The following ALK variants were observed in gnomAD, a reference collection of about 807,000 sequenced individuals.
ALK encodes ALK receptor tyrosine kinase, also known as ALK tyrosine kinase receptor.
In ALK, 74 loss-of-function variants were observed where a neutral mutation model predicts 163.1. The observed-to-expected ratio is 0.45, with a 90% CI of 0.38 to 0.55. The LOEUF is 0.55. Among genes scored for constraint, ALK ranks in the 20% least tolerant of loss-of-function variants. The probability of loss-of-function intolerance (pLI) is 0.00; values close to 1 mark genes in which losing one functional copy is unlikely to be tolerated. For missense variants in ALK, 2,063 were observed against 2,105.3 expected (o/e 0.98, Z 0.39); for synonymous variants, 960 against 843.2 (o/e 1.14, Z -2.40).
chr2:29,387,960 A>G (rs4074520), intron 4 of ALK, among the ~76,000 whole-genome samples: 138,342 of 152,220 alleles, frequency 0.91, 63,129 homozygotes, highest in Middle Eastern at 0.98. Flanking sequence ...AAAATCTCAG[A>G]GACAGAGAAG....
Position 29,227,679 on chromosome 2 carries a change from A to G in ALK, c.2816-7T>C, listed in dbSNP as rs755251438. 6 of 1,611,526 alleles carry G rather than the reference A, an allele frequency of 3.7e-6. No homozygotes were observed. The highest frequency in any genetic ancestry group is 2.2e-5 in the East Asian group (1 of 44,862). ...TTTGAGGCTGCATTGCCGCCTGAGT[A>G]GCAAACCAGAGCAGAGTTTAACATG... On this transcript the variant is annotated splice_polypyrimidine_tract_variant and splice_region_variant and intron_variant, in intron 16 of 28. Transcript: ENST00000389048. This position sits in a 1 kb window ranked among gnomAD's most constrained non-coding sequence, Gnocchi z 4.4.
chr2:29,434,009 C>A (rs1286831981), intron 4 of ALK, among the ~76,000 whole-genome samples: 1 of 152,038 alleles, frequency 6.6e-6, no homozygotes, highest in East Asian at 1.9e-4. Context: ...AGAGTTGGAA[C>A]CAGTCAATGT....
At chr2:29,689,931 G>A (rs547635714) in intron 3 of ALK, among the ~76,000 whole-genome samples, 13 of 152,348 alleles carry the variant, frequency 8.5e-5, no homozygotes, top group African/African-American at 3.1e-4. Context: ...AGAAGCTGGA[G>A]TGGGGCATGG....
chr2:29,690,837 C>T (rs992250601), intron 3 of ALK, among the ~76,000 whole-genome samples: 1 of 152,128 alleles, frequency 6.6e-6, no homozygotes, highest in East Asian at 1.9e-4. Context: ...ATTGCAATAG[C>T]ATCTAAATAC....
intron 1 of ALK, among the ~76,000 whole-genome samples, chr2:29,816,561 C>G (rs959371174): frequency 6.6e-6 from 1 of 152,132 alleles, no homozygotes; most frequent in Non-Finnish European, 1.5e-5. Flanking sequence ...AATAAAAAAG[C>G]CTTCCCAAGA....
At chr2:29,698,324 T>A (rs540041732) in intron 2 of ALK, among the ~76,000 whole-genome samples, 15 of 152,276 alleles carry the variant, frequency 9.9e-5, no homozygotes, top group African/African-American at 3.4e-4. Context: ...GGATTAGCCA[T>A]GAAACATGAC....
chr2:29,807,438 G>C (rs948706020), intron 1 of ALK, among the ~76,000 whole-genome samples: 2 of 152,218 alleles, frequency 1.3e-5, no homozygotes, highest in African/African-American at 4.8e-5. Flanking sequence ...TTCTGCCAGG[G>C]AGGGCTCTGT....
chr2:29,605,510 GAT>G (rs1357300199), intron 3 of ALK, among the ~76,000 whole-genome samples: 6 of 152,198 alleles, frequency 3.9e-5, no homozygotes, highest in African/African-American at 1.4e-4. Flanking sequence ...GCCTTTGGGA[GAT>G]AGATGACTTA....
intron 23 of ALK, among the ~76,000 whole-genome samples, chr2:29,219,165 T>C (rs911551310): frequency 6.6e-6 from 1 of 152,176 alleles, no homozygotes; most frequent in South Asian, 2.1e-4. Context: ...ATGTGAAAGG[T>C]CTGAGGAGGA....
At chr2:29,834,555 A>G (rs556468474) in intron 1 of ALK, among the ~76,000 whole-genome samples, 1 of 152,350 alleles carries the variant, frequency 6.6e-6, no homozygotes, top group East Asian at 1.9e-4. Context: ...CTTAGACATC[A>G]GCTATAATGC....
At chr2:29,296,866 G>A (rs1666197711) in intron 9 of ALK, 22 bp downstream of exon 9, 1 of 1,613,882 alleles carries the variant, frequency 6.2e-7, no homozygotes, top group South Asian at 1.1e-5. Context: ...GAAGGGTATT[G>A]GGGGAGATGC....
At chr2:29,352,337 TG>T (rs1166177539) in intron 5 of ALK, among the ~76,000 whole-genome samples, 1 of 152,248 alleles carries the variant, frequency 6.6e-6, no homozygotes, top group Non-Finnish European at 1.5e-5. Context: ...AAAATCTGTG[TG>T]GGGCCTGTAA....
chr2:29,420,193 C>A (rs1394736391), intron 4 of ALK, among the ~76,000 whole-genome samples: 2 of 147,096 alleles, frequency 1.4e-5, no homozygotes, highest in Non-Finnish European at 3.0e-5. Flanking sequence ...GGGACCACAA[C>A]TGCAAGCTCC....
chr2:29,328,580 A>G, intron 5 of ALK, 99 bp from the exon 6 acceptor site: 2 of 1,483,966 alleles, frequency 1.3e-6, no homozygotes, highest in Non-Finnish European at 1.9e-6. Context: ...CAGGGACAGC[A>G]TTATCCTGCC....
intron 1 of ALK, among the ~76,000 whole-genome samples, chr2:29,721,696 T>G (rs1043209663): frequency 7.2e-5 from 11 of 152,250 alleles, no homozygotes; most frequent in Non-Finnish European, 5.9e-5. Flanking sequence ...GGTGCTAGTC[T>G]CGTCTCTTCT....
intron 1 of ALK, among the ~76,000 whole-genome samples, chr2:29,732,270 T>G (rs1679766686): frequency 6.6e-6 from 1 of 152,170 alleles, no homozygotes; most frequent in African/African-American, 2.4e-5. Flanking sequence ...GTGTGACTAT[T>G]AAATCTGCCA....
intron 2 of ALK, among the ~76,000 whole-genome samples, chr2:29,714,011 A>T (rs1481623800): frequency 2.0e-5 from 3 of 152,102 alleles, no homozygotes; most frequent in Admixed American, 2.0e-4. Context: ...ACTCAAGGTG[A>T]TCAAAACTGC....
At chr2:29,585,127 A>C (rs1674843405) in intron 3 of ALK, among the ~76,000 whole-genome samples, 1 of 152,094 alleles carries the variant, frequency 6.6e-6, no homozygotes, top group South Asian at 2.1e-4. Context: ...AATTATTTTA[A>C]ATTTATTTTA....
At chr2:29,840,332 T>C (rs897239897) in intron 1 of ALK, among the ~76,000 whole-genome samples, 4 of 152,164 alleles carry the variant, frequency 2.6e-5, no homozygotes, top group Admixed American at 6.6e-5. Flanking sequence ...AGATAGATAA[T>C]CCCACTGCAA....
Sources: allele counts gnomAD v4.1 joint callset (sites outside exome capture counted in the v4.1 genomes callset), GRCh38; gene constraint gnomAD v4.1.1; non-coding constraint Gnocchi (gnomAD v3.1); transcripts MANE v1.5; gene names NCBI Gene and HGNC (gene_info 2026-07-23, HGNC 2026-07-21).